Variants in URB1 observed in about 807,000 individuals in gnomAD.
The protein encoded by URB1 is nucleolar pre-ribosomal-associated protein 1.
Under a neutral mutation model 242.3 loss-of-function variants are expected in URB1, and 197 were observed. That is an observed-to-expected ratio of 0.81 (90% CI 0.72 to 0.91). URB1 has a LOEUF of 0.91. URB1 is among the 40% of genes least tolerant of loss of function. The pLI is 0.00. For synonymous variants in URB1, 1,153 were observed against 1,201.8 expected, an observed-to-expected ratio of 0.96 and a Z score of 0.84; for missense variants, 2,721 against 2,860.5, an observed-to-expected ratio of 0.95 and a Z score of 1.11.
rs913544490 is a variant in URB1 at position 32,322,506 on chromosome 21, T to C, written c.5312A>G (p.Tyr1771Cys). 6 of 1,552,332 alleles carry C rather than the reference T, an allele frequency of 3.9e-6. No individual in the cohort carries two copies. The highest frequency in any genetic ancestry group is 2.7e-5 in the African/African-American group (2 of 73,168). Residue 1771 changes from tyrosine (Y) to cysteine (C), a missense_variant, in exon 33 of 39, where the codon TAC becomes TGC. Tyr to Cys is a radical substitution (Grantham distance 194). Transcript: ENST00000382751. ...AAAGTCGGAGCTGTAGAAGAACTGG[T>C]AGAAGCCTGGCACTTTGTCCATGTT... ...YLNMDKVPGF[Y>C]QFFYSSDFEQ... is the part of the protein sequence containing the mutation.
intron 26 of URB1, 122 bp downstream of exon 26, chr21:32,338,585 T>C: frequency 1.8e-6 from 2 of 1,096,766 alleles, no homozygotes; most frequent in South Asian, 2.8e-5. Context: ...ATTCTGACAC[T>C]GTCTTGGCAA....
rs117625499 is a variant in URB1 at position 32,374,294 on chromosome 21, T to C, written c.751-522A>G. On this transcript the variant is annotated intron_variant, in intron 6 of 38. Coordinates refer to ENST00000382751, the MANE Select transcript of URB1 (RefSeq NM_014825.3). ...TGACTTTGGACTTGACACTGGTTCC[T>C]GCAAGTAGAATTGTGGCACAAATTC... Among the ~76,000 whole-genome samples, 147 of 152,318 alleles carry C rather than the reference T, an allele frequency of 9.7e-4. No individual in the cohort carries two copies. The East Asian group carries it at 0.021, about 22-fold the overall frequency.
Position 32,331,095 on chromosome 21 carries a change from T to A in URB1, c.4960+2222A>T, listed in dbSNP as rs367758066. 1.6e-4 allele frequency among the ~76,000 whole-genome samples: 25 copies of A among 152,324 alleles called. 1 individual carries two copies. The South Asian group carries it at 4.8e-3, about 29-fold the overall frequency. ...GAATAGTGGAACAATGTCTCCCCAG[T>A]GCACCTAAATCTCCCCAGTTGTGAA... On this transcript the variant is annotated intron_variant, in intron 30 of 38. Coordinates refer to ENST00000382751, the MANE Select transcript of URB1 (RefSeq NM_014825.3).
chr21:32,373,618 G>T (rs1311916577), intron 7 of URB1, 29 bp downstream of exon 7: 1 of 1,523,112 alleles, frequency 6.6e-7, no homozygotes, highest in East Asian at 2.5e-5. Context: ...CCAACAACGA[G>T]GTCAACGAAA....
In URB1 at chr21:32,366,663, G is replaced by A. The variant is rs1369190724; in HGVS notation, c.1290C>T (p.Thr430=). Residue 430 remains threonine (T), a synonymous_variant, in exon 10 of 39, where the codon ACC becomes ACT. Coordinates refer to ENST00000382751, the MANE Select transcript of URB1 (RefSeq NM_014825.3). ...PRLLAMVMVT[T]VPLVCNKSMF... is the part of the protein sequence containing the mutation. Reference sequence around the variant, plus strand: ...TGCTCTTATTGCACACCAGGGGCACGGTGGTCACCATCACCATTGCCAGGA... The same window carrying A: ...TGCTCTTATTGCACACCAGGGGCACAGTGGTCACCATCACCATTGCCAGGA... 42 of 1,551,370 alleles carry A rather than the reference G, an allele frequency of 2.7e-5. No individual in the cohort carries two copies. Among genetic ancestry groups the A allele is most frequent in the East Asian group, 7.3e-5 (3 of 40,928 alleles).
At chr21:32,366,343 T>G (rs1483917335) in intron 10 of URB1, among the ~76,000 whole-genome samples, 1 of 152,222 alleles carries the variant, frequency 6.6e-6, no homozygotes, top group Non-Finnish European at 1.5e-5. Flanking sequence ...CTTGGAGGGA[T>G]GCAGGGGTCC....
At chr21:32,365,770 A>G (rs2033339585) in intron 10 of URB1, among the ~76,000 whole-genome samples, 2 of 152,106 alleles carry the variant, frequency 1.3e-5, no homozygotes, top group South Asian at 4.1e-4. Flanking sequence ...TCAGGAGTCC[A>G]CCCCACTTTA....
intron 5 of URB1, among the ~76,000 whole-genome samples, chr21:32,377,553 G>A (rs370763295): frequency 9.2e-5 from 14 of 151,842 alleles, no homozygotes; most frequent in East Asian, 3.9e-4. Flanking sequence ...AAATCTGTCC[G>A]CTGCATTATG....
At chr21:32,382,790 G>T (rs1245289439) in intron 4 of URB1, among the ~76,000 whole-genome samples, 1 of 152,102 alleles carries the variant, frequency 6.6e-6, no homozygotes, top group Non-Finnish European at 1.5e-5. Flanking sequence ...TCAAGCTCAG[G>T]AGTCCTCCAA....
Position 32,322,544 on chromosome 21 carries a change from C to G in URB1, c.5274G>C (p.Ser1758=), listed in dbSNP as rs781711431. ...MYLKVSNFLL[S]HEYLNMDKVP... ...CTTTGTCCATGTTCAAGTACTCATG[C>G]GACAGCAGGAAGTTGCTGACCTTCA... The change falls in exon 33 of 39, where the codon TCG becomes TCC. Residue 1758 remains serine (S), a synonymous_variant. Coordinates refer to ENST00000382751, the MANE Select transcript of URB1 (RefSeq NM_014825.3). 1 of 1,552,086 alleles carries G rather than the reference C, an allele frequency of 6.4e-7. No homozygotes were observed.
intron 4 of URB1, among the ~76,000 whole-genome samples, chr21:32,379,471 T>C (rs568375899): frequency 1.3e-5 from 2 of 152,214 alleles, no homozygotes; most frequent in Non-Finnish European, 2.9e-5. Flanking sequence ...TAAGGAGTAA[T>C]CTCTGCCTTC....
rs1199049350 is a variant in URB1 at position 32,384,614 on chromosome 21, A to G, written c.283-150T>C. Reference sequence around the variant, plus strand: ...CCACCCAGATCCTGAGTCAAACGCGACAGCTTGGCAGGCTGATCTGCAGGA... The same window carrying G: ...CCACCCAGATCCTGAGTCAAACGCGGCAGCTTGGCAGGCTGATCTGCAGGA... On this transcript the variant is annotated intron_variant, in intron 2 of 38. Coordinates refer to ENST00000382751, the MANE Select transcript of URB1 (RefSeq NM_014825.3). 3 of 1,022,578 alleles carry G rather than the reference A, an allele frequency of 2.9e-6. No homozygotes were observed. The African/African-American group carries it at 4.9e-5, about 17-fold the overall frequency. 63.3% of individuals were successfully genotyped at this position (1,022,578 alleles called of 1,614,324 possible).
rs546449764 is a variant in URB1, at chr21:32,314,795, A to G, written c.*123T>C. 2.0e-4 allele frequency: 292 copies of G among 1,452,318 alleles called. No individual in the cohort carries two copies. Among genetic ancestry groups the G allele is most frequent in the Non-Finnish European group, 2.6e-4 (273 of 1,067,930 alleles). 90.0% of individuals were successfully genotyped at this position (1,452,318 alleles called of 1,614,324 possible). A position where few individuals can be genotyped will look rare whatever the true frequency, so the allele number is the denominator to read the frequency against. On this transcript the variant is annotated 3_prime_UTR_variant, in exon 39 of 39. Coordinates refer to ENST00000382751, the MANE Select transcript of URB1 (RefSeq NM_014825.3). ...ACTTTTCTTGTCAAAGAACTGAGCC[A>G]ATGTACTGAACCTGTTGTTTCCCAT...
At position 32,378,517 on chromosome 21, in the gene URB1, A is replaced by G; in HGVS notation, c.592T>C (p.Tyr198His). The G allele has an allele frequency of 6.4e-7, 1 of 1,551,732 alleles. No homozygotes were observed. The highest frequency in any genetic ancestry group is 1.4e-5 in the African/African-American group (1 of 73,172). The change falls in exon 5 of 39, where the codon TAC becomes CAC. Residue 198 changes from tyrosine to histidine, a missense_variant. Tyr to His is a moderately conservative substitution (Grantham distance 83). Transcript: ENST00000382751. ...AAAAAGGAGAGAGCAAACTGAACGTAGGCCTGCCGAACGTCGTACACTCCC... is the reference window on the plus strand; with the variant it reads ...AAAAAGGAGAGAGCAAACTGAACGTGGGCCTGCCGAACGTCGTACACTCCC... The part of the protein sequence containing the change: ...SKGVYDVRQA[Y>H]VQFALSFLIA...
At chr21:32,369,682 A>G (rs2033385858) in intron 8 of URB1, among the ~76,000 whole-genome samples, 1 of 152,116 alleles carries the variant, frequency 6.6e-6, no homozygotes, top group African/African-American at 2.4e-5. Flanking sequence ...GAGCGCCATT[A>G]AATTATTTCT....
intron 4 of URB1, among the ~76,000 whole-genome samples, chr21:32,379,305 T>C (rs1409126753): frequency 2.6e-5 from 4 of 152,254 alleles, no homozygotes; most frequent in Admixed American, 2.6e-4. Flanking sequence ...CAGTCTCTCA[T>C]CAGCTGTTCC....
At position 32,392,940 on chromosome 21, in the gene URB1, GAC is replaced by G; in HGVS notation, c.-32_-31del. The G allele has an allele frequency of 6.7e-7, 1 of 1,489,356 alleles. No homozygotes were observed. The highest frequency in any genetic ancestry group is 8.9e-7 in the Non-Finnish European group (1 of 1,119,954). 92.3% of individuals were successfully genotyped at this position (1,489,356 alleles called of 1,614,324 possible). A position where few individuals can be genotyped will look rare whatever the true frequency, so the allele number is the denominator to read the frequency against. ...GAGAGGGCGGAAGCGCGACGGAAAC[GAC>G]ACACCTGAGGGGACCCGGCAGGAGC... On this transcript the variant is annotated 5_prime_UTR_variant, in exon 1 of 39. Coordinates refer to ENST00000382751, the MANE Select transcript of URB1 (RefSeq NM_014825.3).
rs558071793 is a variant in URB1, at chr21:32,367,455, G to A, written c.1198-700C>T. Among the ~76,000 whole-genome samples, 269 of 152,302 alleles carry A rather than the reference G, an allele frequency of 1.8e-3. 1 individual carries two copies. Among genetic ancestry groups the A allele is most frequent in the African/African-American group, 6.3e-3 (262 of 41,574 alleles). On this transcript the variant is annotated intron_variant, in intron 9 of 38. Transcript: ENST00000382751. ...GACTGTGCGCATAGGCACTCAAGCA[G>A]AATAAAAGCTGGTTTTATAGATAAT...
chr21:32,354,510 T>C (rs904968839), intron 17 of URB1, among the ~76,000 whole-genome samples: 2 of 152,216 alleles, frequency 1.3e-5, no homozygotes, highest in Non-Finnish European at 2.9e-5. Flanking sequence ...GAGCAAGTTA[T>C]TATACTAAAC....
Sources: allele counts gnomAD v4.1 joint callset (sites outside exome capture counted in the v4.1 genomes callset), GRCh38; gene constraint gnomAD v4.1.1; transcripts MANE v1.5; gene names NCBI Gene and HGNC (gene_info 2026-07-23, HGNC 2026-07-21).